Variants in MTAP observed in about 807,000 individuals in gnomAD.
MTAP encodes methylthioadenosine phosphorylase.
A neutral mutation model predicts 33.6 loss-of-function variants in MTAP; 33 were observed. The ratio of observed to expected loss-of-function variants is 0.98; its 90% CI spans 0.74 to 1.31. The LOEUF is 1.31. Among genes scored for constraint, MTAP ranks in the 40% most tolerant of loss-of-function variants. The pLI is 0.00. For missense variants in MTAP, 367 were observed against 360.0 expected, an observed-to-expected ratio of 1.02 and a Z score of -0.16; for synonymous variants, 148 against 125.7, an observed-to-expected ratio of 1.18 and a Z score of -1.19.
chr9:21,886,753 G>A (rs1209012686), intron 1 of MTAP, among the ~76,000 whole-genome samples: 1 of 152,066 alleles, frequency 6.6e-6, no homozygotes, highest in Non-Finnish European at 1.5e-5. Flanking sequence ...TATAAGTATT[G>A]GACTTTATTT....
At chr9:21,828,781 C>T (rs1437731079) in intron 4 of MTAP, among the ~76,000 whole-genome samples, 2 of 152,152 alleles carry the variant, frequency 1.3e-5, no homozygotes, top group Non-Finnish European at 2.9e-5. Context: ...TTAGGTTAGA[C>T]AAGATTTTAA....
chr9:21,841,475 G>A (rs1825242659), intron 5 of MTAP, among the ~76,000 whole-genome samples: 1 of 152,260 alleles, frequency 6.6e-6, no homozygotes, highest in African/African-American at 2.4e-5. Flanking sequence ...GCATTCAAGA[G>A]AGCCAGCACA....
rs367738464 is a variant in MTAP, at chr9:21,815,526, A to G, written c.120+7A>G. 8.2e-6 allele frequency: 13 copies of G among 1,580,398 alleles called. No homozygotes were observed. The highest frequency in any genetic ancestry group is 1.0e-5 in the Non-Finnish European group (12 of 1,152,112). On this transcript the variant is annotated splice_region_variant and intron_variant, in intron 2 of 7. Coordinates refer to ENST00000644715, the MANE Select transcript of MTAP (RefSeq NM_002451.4). ...GGATACTCCATTTGGCAAGGTTAATATCCAACTTGTGGAGACATGTTTTTT... is the reference window on the plus strand; with the variant it reads ...GGATACTCCATTTGGCAAGGTTAATGTCCAACTTGTGGAGACATGTTTTTT...
At chr9:21,879,459 G>A (rs1265460999) in intron 1 of MTAP, among the ~76,000 whole-genome samples, 5 of 152,030 alleles carry the variant, frequency 3.3e-5, no homozygotes, top group Non-Finnish European at 2.9e-5. Context: ...CATGTGAGAT[G>A]GATCTCTTGA....
At chr9:21,920,982 T>G (rs116912236) in intron 1 of MTAP, among the ~76,000 whole-genome samples, 6 of 152,082 alleles carry the variant, frequency 3.9e-5, no homozygotes, top group Non-Finnish European at 7.4e-5. Context: ...AGAGTTTGAG[T>G]TTTTTCTTTA....
At position 21,901,077 on chromosome 9, in the gene MTAP, T is replaced by G. The variant is rs2518709; in HGVS notation, c.148-29931T>G. Among the ~76,000 whole-genome samples, 301 of 152,320 alleles carry G rather than the reference T, an allele frequency of 2.0e-3. 1 individual carries two copies. The highest frequency in any genetic ancestry group is 3.4e-3 in the Non-Finnish European group (229 of 68,028). On this transcript the variant is annotated intron_variant, in intron 1 of 1. Transcript: ENST00000577563. Reference sequence around the variant, plus strand: ...ACTACCTCTTAGGTACTATGCTTATTACCTGGGTGATGGAATAATCTGTAT... The same window carrying G: ...ACTACCTCTTAGGTACTATGCTTATGACCTGGGTGATGGAATAATCTGTAT...
chr9:21,911,218 T>C (rs903266125), intron 1 of MTAP, among the ~76,000 whole-genome samples: 11 of 152,134 alleles, frequency 7.2e-5, no homozygotes, highest in Middle Eastern at 3.4e-3. Flanking sequence ...ATTAGACAGA[T>C]CAATGAGACA....
intron 5 of MTAP, among the ~76,000 whole-genome samples, chr9:21,843,914 G>A (rs1825313921): frequency 6.6e-6 from 1 of 151,854 alleles, no homozygotes; most frequent in Non-Finnish European, 1.5e-5. Context: ...AGAACTAAAT[G>A]AAATTGAAAC....
intron 4 of MTAP, among the ~76,000 whole-genome samples, chr9:21,819,338 T>C (rs1488619444): frequency 6.6e-6 from 1 of 152,158 alleles, no homozygotes; most frequent in Non-Finnish European, 1.5e-5. Flanking sequence ...CCCCTTCCTA[T>C]GTCCAAGTGT....
At chr9:21,819,131 C>T (rs1179645932) in intron 4 of MTAP, among the ~76,000 whole-genome samples, 4 of 120,386 alleles carry the variant, frequency 3.3e-5, no homozygotes, top group African/African-American at 1.5e-4. Flanking sequence ...ATATATACCA[C>T]ATTTTCTTTT....
At chr9:21,887,706 G>T (rs889754348) in intron 1 of MTAP, among the ~76,000 whole-genome samples, 12 of 152,172 alleles carry the variant, frequency 7.9e-5, no homozygotes, top group African/African-American at 2.4e-4. Context: ...CGCAATGGTT[G>T]AACTAGTTTA....
At chr9:21,880,857 C>T (rs1376597095) in intron 1 of MTAP, among the ~76,000 whole-genome samples, 1 of 151,976 alleles carries the variant, frequency 6.6e-6, no homozygotes. Context: ...AGACTCAACA[C>T]AATCCCTATA....
chr9:21,829,104 T>G (rs1285743693), intron 4 of MTAP, among the ~76,000 whole-genome samples: 1 of 152,226 alleles, frequency 6.6e-6, no homozygotes, highest in Non-Finnish European at 1.5e-5. Context: ...AAAGTGAATC[T>G]TGGTGTATTG....
At chr9:21,847,418 A>T (rs1825410128) in intron 5 of MTAP, among the ~76,000 whole-genome samples, 1 of 152,208 alleles carries the variant, frequency 6.6e-6, no homozygotes, top group Non-Finnish European at 1.5e-5. Flanking sequence ...ACTGCTTAAT[A>T]TGATTAGACC....
rs138324980 is a variant in MTAP at position 21,814,979 on chromosome 9, C to A, written c.34-454C>A. On this transcript the variant is annotated intron_variant, in intron 1 of 7. Coordinates refer to ENST00000644715, the MANE Select transcript of MTAP (RefSeq NM_002451.4). ...ATAGAACAGTGAGGAGAAATCAATA[C>A]CAAATGGAATACCTAATATTTTATA... 2.6e-3 allele frequency among the ~76,000 whole-genome samples: 394 copies of A among 152,232 alleles called. 2 individuals carry two copies. The highest frequency in any genetic ancestry group is 9.1e-3 in the African/African-American group (377 of 41,554).
intron 6 of MTAP, 68 bp from the exon 7 acceptor site, chr9:21,859,235 G>GA (rs1825702397): frequency 1.4e-5 from 22 of 1,548,136 alleles, no homozygotes; most frequent in Non-Finnish European, 1.9e-5. Context: ...CTGGAGCTCA[G>GA]AAAAATGTTT....
chr9:21,806,234 A>C (rs1420915383), intron 1 of MTAP, among the ~76,000 whole-genome samples: 1 of 152,140 alleles, frequency 6.6e-6, no homozygotes, highest in East Asian at 1.9e-4. Context: ...GGTGGGAGCC[A>C]TGGAGGTGGT....
chr9:21,882,800 T>C (rs1380195800), intron 1 of MTAP, among the ~76,000 whole-genome samples: 1 of 152,034 alleles, frequency 6.6e-6, no homozygotes, highest in Admixed American at 6.6e-5. Flanking sequence ...AATTAATGTT[T>C]AATAGTAAAA....
intron 1 of MTAP, among the ~76,000 whole-genome samples, chr9:21,880,424 T>G (rs1364433178): frequency 1.3e-5 from 2 of 151,988 alleles, no homozygotes; most frequent in African/African-American, 2.4e-5. Flanking sequence ...GAAAAAGAAA[T>G]AAAAGCCATC....
Sources: gnomAD v4.1 joint callset for allele counts (sites outside exome capture counted in the v4.1 genomes callset) on GRCh38, gnomAD v4.1.1 for gene constraint, MANE v1.5 for transcripts, NCBI Gene and HGNC (gene_info 2026-07-23, HGNC 2026-07-21) for gene names.